BCAR3: variants seen among roughly 807,000 people sequenced by gnomAD.
The protein encoded by BCAR3 is BCAR3 adaptor protein, NSP family member.
In BCAR3, 37 loss-of-function variants were observed where a neutral mutation model predicts 80.1. The observed-to-expected ratio is 0.46, with a 90% CI of 0.36 to 0.61. The LOEUF (loss-of-function observed/expected upper bound fraction) is 0.61. Ranked by LOEUF, BCAR3 falls within the 20% of genes least tolerant of loss-of-function variation. BCAR3 has a pLI of 0.00. For missense variants in BCAR3, 978 were observed against 1,068.2 expected, an observed-to-expected ratio of 0.92 and a Z score of 1.18; for synonymous variants, 389 against 418.9, an observed-to-expected ratio of 0.93 and a Z score of 0.87.
chr1:93,826,994 T>C (rs1011546827), intron 2 of BCAR3, among the ~76,000 whole-genome samples: 2 of 152,006 alleles, frequency 1.3e-5, no homozygotes, highest in Non-Finnish European at 2.9e-5. Context: ...GATTGTGGAA[T>C]ACCAGGAAGG....
intron 2 of BCAR3, among the ~76,000 whole-genome samples, chr1:93,715,862 A>C (rs779874768): frequency 1.2e-4 from 19 of 152,132 alleles, no homozygotes; most frequent in Non-Finnish European, 2.4e-4. Flanking sequence ...GCCCTTTTTC[A>C]ATTTCTGTCA....
intron 2 of BCAR3, among the ~76,000 whole-genome samples, chr1:93,722,865 G>A (rs1206737560): frequency 6.6e-6 from 1 of 152,114 alleles, no homozygotes; most frequent in Non-Finnish European, 1.5e-5. Context: ...ACACAAGAGC[G>A]ACAGGATTAG....
intron 2 of BCAR3, among the ~76,000 whole-genome samples, chr1:93,844,048 G>GATCCTGC (rs1285667112): frequency 1.3e-5 from 2 of 152,180 alleles, no homozygotes; most frequent in Non-Finnish European, 2.9e-5. Context: ...GCCAGGCACG[G>GATCCTGC]TAGCTCACGC....
At chr1:93,800,716 TA>T (rs1220093638) in intron 2 of BCAR3, among the ~76,000 whole-genome samples, 1 of 152,246 alleles carries the variant, frequency 6.6e-6, no homozygotes, top group African/African-American at 2.4e-5. Flanking sequence ...CTCTTTCAGT[TA>T]TTTTTTTAAA....
intron 2 of BCAR3, among the ~76,000 whole-genome samples, 169 bp downstream of exon 2, chr1:93,674,445 A>T (rs1002769530): frequency 6.6e-6 from 1 of 152,124 alleles, no homozygotes; most frequent in African/African-American, 2.4e-5. Context: ...TAGTATAGAC[A>T]GGGTTTCACC....
chr1:93,615,203 T>C (rs1361377043), intron 3 of BCAR3, among the ~76,000 whole-genome samples: 3 of 152,076 alleles, frequency 2.0e-5, no homozygotes, highest in African/African-American at 7.2e-5. Context: ...AAAGGAACAA[T>C]ACCAGATGAG....
intron 4 of BCAR3, among the ~76,000 whole-genome samples, chr1:93,591,510 TC>T (rs1212958109): frequency 2.0e-5 from 3 of 151,964 alleles, no homozygotes; most frequent in African/African-American, 7.2e-5. Context: ...ATGATGCCCT[TC>T]CCCCCAGCCC....
At chr1:93,772,134 G>T (rs1290516489) in intron 2 of BCAR3, among the ~76,000 whole-genome samples, 1 of 152,238 alleles carries the variant, frequency 6.6e-6, no homozygotes, top group African/African-American at 2.4e-5. Flanking sequence ...ATAGTCTGGA[G>T]ACGTCAGCAG....
chr1:93,753,198 T>C (rs1651622726), intron 2 of BCAR3: 1 of 152,218 alleles, frequency 6.6e-6, no homozygotes, highest in Non-Finnish European at 1.5e-5. Context: ...TCAAAGTCTA[T>C]AGCAGGTGAA....
At chr1:93,691,811 G>A (rs969896521) in intron 3 of BCAR3, among the ~76,000 whole-genome samples, 1 of 152,130 alleles carries the variant, frequency 6.6e-6, no homozygotes, top group East Asian at 1.9e-4. Flanking sequence ...AAGACCAAGA[G>A]TTCTCAGCCT....
chr1:93,672,411 T>C (rs1331890772), intron 2 of BCAR3, among the ~76,000 whole-genome samples: 2 of 150,152 alleles, frequency 1.3e-5, no homozygotes, highest in African/African-American at 4.9e-5. Flanking sequence ...GTCTATAAAC[T>C]GTCTGTGTCT....
intron 2 of BCAR3, among the ~76,000 whole-genome samples, chr1:93,804,653 G>A (rs1653601845): frequency 6.6e-6 from 1 of 152,188 alleles, no homozygotes; most frequent in Non-Finnish European, 1.5e-5. Flanking sequence ...AGAACAGGAT[G>A]CAATTTAAAA....
chr1:93,802,018 TGAG>T (rs1277295603), intron 2 of BCAR3, among the ~76,000 whole-genome samples: 2 of 151,868 alleles, frequency 1.3e-5, no homozygotes, highest in African/African-American at 4.8e-5. Context: ...CTCAGGAGGC[TGAG>T]GCAGGAGAAT....
Position 93,582,884 on chromosome 1 carries a change from G to A in BCAR3, c.1103C>T (p.Thr368Met), listed in dbSNP as rs763193150. The change falls in exon 7 of 12, where the codon ACG (threonine) becomes ATG (methionine). Residue 368 changes from threonine (T) to methionine (M), a missense_variant. Physicochemically the swap from Thr to Met is moderately conservative, Grantham distance 81 (BLOSUM62 -1). Transcript: ENST00000260502. ...TGGGCTCAGGGCAGGCTCGCTTCCC[G>A]TCCTGAACACAGGTGAGTTTGGGCA... ...SPCPNSPVFR[T>M]GSEPALSPAV... is the part of the protein sequence containing the mutation. The A allele has an allele frequency of 1.1e-5, 17 of 1,609,936 alleles. No individual in the cohort carries two copies. In the Admixed American group the frequency reaches 1.3e-4, roughly 13 times the overall value.
chr1:93,577,555 G>C (rs1282460351), intron 7 of BCAR3, among the ~76,000 whole-genome samples: 2 of 152,142 alleles, frequency 1.3e-5, no homozygotes, highest in Non-Finnish European at 2.9e-5. Flanking sequence ...ACTTTGCAAA[G>C]GATTCAGATA....
intron 2 of BCAR3, among the ~76,000 whole-genome samples, chr1:93,709,560 A>G (rs1649947632): frequency 6.6e-6 from 1 of 152,200 alleles, no homozygotes. Context: ...GTGACCCTGT[A>G]TAAGGATGTC....
intron 11 of BCAR3, among the ~76,000 whole-genome samples, chr1:93,562,945 T>C (rs78847002): frequency 0.022 from 3,367 of 152,058 alleles, 114 homozygotes; most frequent in African/African-American, 0.077. Context: ...AGAGAAGAAA[T>C]AACAGGTAAA....
intron 11 of BCAR3, 42 bp downstream of exon 11, chr1:93,567,237 C>T (rs202065652): frequency 7.3e-5 from 117 of 1,595,842 alleles, no homozygotes; most frequent in Non-Finnish European, 9.6e-5. Context: ...ATTTCAATTA[C>T]GATACAGTGT....
chr1:93,642,617 T>C (rs1432255444), intron 2 of BCAR3, among the ~76,000 whole-genome samples: 1 of 152,018 alleles, frequency 6.6e-6, no homozygotes, highest in Non-Finnish European at 1.5e-5. Flanking sequence ...GCATAGAAAG[T>C]GAAAGTCTGA....
Sources: allele counts gnomAD v4.1 joint callset (sites outside exome capture counted in the v4.1 genomes callset), GRCh38; gene constraint gnomAD v4.1.1; transcripts MANE v1.5; gene names NCBI Gene and HGNC (gene_info 2026-07-23, HGNC 2026-07-21).